Variants in PRXL2A observed in about 807,000 individuals in gnomAD.
PRXL2A encodes the protein peroxiredoxin like 2A.
In PRXL2A, 26 loss-of-function variants were observed where a neutral mutation model predicts 25.6. The ratio of observed to expected loss-of-function variants is 1.02; its 90% CI spans 0.74 to 1.41. PRXL2A has a LOEUF of 1.41. PRXL2A is among the 40% of genes most tolerant of loss of function. PRXL2A has a pLI of 0.00. For synonymous variants in PRXL2A, 98 were observed against 102.9 expected, an observed-to-expected ratio of 0.95 and a Z score of 0.29; for missense variants, 246 against 273.9, an observed-to-expected ratio of 0.90 and a Z score of 0.72.
rs1271328299 is a variant in PRXL2A, at chr10:80,409,063, C to T, written c.-3+420C>T. Reference sequence around the variant, plus strand: ...CCCGGGGGCCGCCCTGCTGGACCAGCCCCAGGTGCGGACCTGGCAGTCCTC... The same window carrying T: ...CCCGGGGGCCGCCCTGCTGGACCAGTCCCAGGTGCGGACCTGGCAGTCCTC... On this transcript the variant is annotated intron_variant, in intron 1 of 5. Coordinates refer to ENST00000606162, the MANE Select transcript of PRXL2A (RefSeq NM_032333.5). 6 of 985,404 alleles carry T rather than the reference C, an allele frequency of 6.1e-6. No homozygotes were observed. In the South Asian group the frequency reaches 1.4e-4, roughly 23 times the overall value. 61.0% of individuals were successfully genotyped at this position (985,404 alleles called of 1,614,324 possible). A position where few individuals can be genotyped will look rare whatever the true frequency, so the allele number is the denominator to read the frequency against.
At position 80,422,473 on chromosome 10, in the gene PRXL2A, G is replaced by C; in HGVS notation, c.235G>C (p.Ala79Pro). 1 of 1,614,090 alleles carries C rather than the reference G, an allele frequency of 6.2e-7. No individual in the cohort carries two copies. The highest frequency in any genetic ancestry group is 1.3e-5 in the African/African-American group (1 of 75,044). The part of the protein sequence containing the change: ...LWEKNGAVIM[A>P]VRRPGCFLCR... The stretch of plus-strand genomic sequence containing the variant: ...GGAAAAAAATGGAGCTGTGATTATG[G>C]CCGTGCGGAGGCCAGGCTGTTTCCT... The change falls in exon 3 of 6, where the codon GCC becomes CCC. Residue 79 changes from alanine to proline, a missense_variant. By Grantham distance (27) the Ala-to-Pro change is conservative (BLOSUM62 -1). Coordinates refer to ENST00000606162, the MANE Select transcript of PRXL2A (RefSeq NM_032333.5).
At position 80,416,587 on chromosome 10, in the gene PRXL2A, C is replaced by G. The variant is rs1844667478; in HGVS notation, c.-2-3879C>G. Among the ~76,000 whole-genome samples, 3 of 152,102 alleles carry G rather than the reference C, an allele frequency of 2.0e-5. No individual in the cohort carries two copies. The South Asian group carries it at 6.2e-4, about 32-fold the overall frequency. On this transcript the variant is annotated intron_variant, in intron 1 of 5. Transcript: ENST00000606162. ...GAAGCACAGAATGAAATAGGATATT[C>G]CAGGCAGAGGGGTAGAGATGTGTGC... is the stretch of plus-strand genomic sequence containing the variant.
At position 80,431,985 on chromosome 10, in the gene PRXL2A, G is replaced by C; in HGVS notation, c.577-1G>C. On this transcript the variant is annotated splice_acceptor_variant, in intron 5 of 5. Transcript: ENST00000606162. LOFTEE classifies it high-confidence loss of function. ...TGACATTATCTCTTGTTTCCTTTTAGGGCATTCTTCTTGAGCACCGAGAAA... is the reference window on the plus strand; with the variant it reads ...TGACATTATCTCTTGTTTCCTTTTACGGCATTCTTCTTGAGCACCGAGAAA... The C allele has an allele frequency of 1.9e-6, 3 of 1,602,562 alleles. No homozygotes were observed. The highest frequency in any genetic ancestry group is 1.1e-5 in the South Asian group (1 of 90,772).
At chr10:80,415,360 A>G (rs80243032) in intron 1 of PRXL2A, among the ~76,000 whole-genome samples, 4,102 of 152,312 alleles carry the variant, frequency 0.027, 136 homozygotes, top group South Asian at 0.14. Flanking sequence ...AACTTGAGGT[A>G]TGGAGATGGG....
intron 1 of PRXL2A, among the ~76,000 whole-genome samples, chr10:80,409,392 C>G (rs566212667): frequency 6.6e-6 from 1 of 152,278 alleles, no homozygotes; most frequent in African/African-American, 2.4e-5. Flanking sequence ...GGAGGCACAC[C>G]CGGGAGTCCA....
chr10:80,423,956 C>A (rs529711917), intron 3 of PRXL2A, among the ~76,000 whole-genome samples: 1 of 152,154 alleles, frequency 6.6e-6, no homozygotes, highest in Non-Finnish European at 1.5e-5. Context: ...TGGTTTATGG[C>A]CCCTTCCTCT....
At chr10:80,427,200 G>T in intron 4 of PRXL2A, 132 bp from the exon 5 acceptor site, 1 of 684,160 alleles carries the variant, frequency 1.5e-6, no homozygotes, top group East Asian at 2.6e-5. Context: ...TGTGTTGGGT[G>T]GGAGAGAAGA....
chr10:80,424,306 T>G (rs373666584), intron 3 of PRXL2A, among the ~76,000 whole-genome samples: 4 of 142,078 alleles, frequency 2.8e-5, no homozygotes, highest in East Asian at 4.2e-4. Context: ...CAGTGGCTCA[T>G]GCCTATAATC....
At chr10:80,413,308 A>G (rs987659728) in intron 1 of PRXL2A, among the ~76,000 whole-genome samples, 5 of 152,182 alleles carry the variant, frequency 3.3e-5, no homozygotes, top group African/African-American at 1.2e-4. Context: ...AAGTGCTGGA[A>G]GTCACCCAGG....
intron 1 of PRXL2A, among the ~76,000 whole-genome samples, chr10:80,410,359 A>G (rs58560242): frequency 0.069 from 10,479 of 152,334 alleles, 452 homozygotes; most frequent in Middle Eastern, 0.092. Flanking sequence ...AGGCAGTGTT[A>G]GCTGCTACAG....
chr10:80,425,655 A>T (rs760769663), intron 3 of PRXL2A, among the ~76,000 whole-genome samples: 2 of 152,156 alleles, frequency 1.3e-5, no homozygotes, highest in African/African-American at 2.4e-5. Flanking sequence ...CTGGGAGATG[A>T]TGTAGGAGAG....
At chr10:80,416,550 C>T (rs991463751) in intron 1 of PRXL2A, among the ~76,000 whole-genome samples, 3 of 152,146 alleles carry the variant, frequency 2.0e-5, no homozygotes, top group Admixed American at 2.0e-4. Context: ...CTTAAAGAGG[C>T]CTCTGAGTTG....
chr10:80,431,121 C>A (rs954687358), intron 5 of PRXL2A, among the ~76,000 whole-genome samples: 1 of 152,128 alleles, frequency 6.6e-6, no homozygotes, highest in Non-Finnish European at 1.5e-5. Flanking sequence ...TGGTCTTGAA[C>A]TCCTGACCTC....
chr10:80,431,264 G>GC (rs1203557988), intron 5 of PRXL2A, among the ~76,000 whole-genome samples: 1 of 149,758 alleles, frequency 6.7e-6, no homozygotes, highest in Non-Finnish European at 1.5e-5. Context: ...TGATCTGCTT[G>GC]CCCATAATCT....
At chr10:80,422,581 C>T in intron 3 of PRXL2A, 73 bp downstream of exon 3, 1 of 1,202,524 alleles carries the variant, frequency 8.3e-7, no homozygotes, top group Non-Finnish European at 1.2e-6. Context: ...CGGCCAGAAC[C>T]AAGGGTCGGT....
chr10:80,424,957 G>T (rs1261469819), intron 3 of PRXL2A, among the ~76,000 whole-genome samples: 1 of 152,164 alleles, frequency 6.6e-6, no homozygotes, highest in Non-Finnish European at 1.5e-5. Flanking sequence ...GGCAAAATTT[G>T]CCAGTCAGTA....
intron 1 of PRXL2A, among the ~76,000 whole-genome samples, chr10:80,418,199 T>A (rs1480527968): frequency 6.6e-6 from 1 of 151,748 alleles, no homozygotes. Flanking sequence ...GTCCCCAGTG[T>A]CTGTTATTTC....
Position 80,427,316 on chromosome 10 carries a change from C to CT in PRXL2A, c.412-13dup. 1 of 1,612,738 alleles carries CT rather than the reference C, an allele frequency of 6.2e-7. No individual in the cohort carries two copies. The highest frequency in any genetic ancestry group is 8.5e-7 in the Non-Finnish European group (1 of 1,179,122). ...TGTAGAGTACTCATATGGGATCTGT[C>CT]TTTCTCACTCCATAGAAAAAGTTCT... On this transcript the variant is annotated splice_polypyrimidine_tract_variant and intron_variant, in intron 4 of 5. Coordinates refer to ENST00000606162, the MANE Select transcript of PRXL2A (RefSeq NM_032333.5).
intron 1 of PRXL2A, among the ~76,000 whole-genome samples, chr10:80,419,597 C>T (rs1340771501): frequency 1.3e-5 from 2 of 152,098 alleles, no homozygotes; most frequent in African/African-American, 2.4e-5. Flanking sequence ...CATGAGCCAC[C>T]GCGCCCTGCC....
Sources: gnomAD v4.1 joint callset for allele counts (sites outside exome capture counted in the v4.1 genomes callset) on GRCh38, gnomAD v4.1.1 for gene constraint, MANE v1.5 for transcripts, NCBI Gene and HGNC (gene_info 2026-07-23, HGNC 2026-07-21) for gene names.